Variants in EPB41L1 observed in about 807,000 individuals in gnomAD.
EPB41L1 encodes band 4.1-like protein 1.
In EPB41L1, 29 loss-of-function variants were observed where a neutral mutation model predicts 97.8. That is an observed-to-expected ratio of 0.30 (90% CI 0.22 to 0.40). The LOEUF is 0.40. EPB41L1 is among the 10% of genes least tolerant of loss of function. EPB41L1 has a pLI of 1.00. For synonymous variants in EPB41L1, 383 were observed against 459.2 expected, an observed-to-expected ratio of 0.83 and a Z score of 2.12; for missense variants, 812 against 1,162.3, an observed-to-expected ratio of 0.70 and a Z score of 4.38.
intron 2 of EPB41L1, among the ~76,000 whole-genome samples, chr20:36,141,093 C>T (rs1295098046): frequency 6.6e-6 from 1 of 152,124 alleles, no homozygotes; most frequent in African/African-American, 2.4e-5. Context: ...GAATATGGCC[C>T]CTTTCATAGA....
intron 14 of EPB41L1, among the ~76,000 whole-genome samples, chr20:36,203,462 C>T (rs1266348648): frequency 6.6e-6 from 1 of 152,256 alleles, no homozygotes; most frequent in African/African-American, 2.4e-5. Context: ...ACTTTTCATT[C>T]TCTGCCAGCA....
chr20:36,229,295 C>A, intron 21 of EPB41L1, 37 bp from the exon 22 acceptor site: 1 of 1,552,308 alleles, frequency 6.4e-7, no homozygotes, highest in Non-Finnish European at 8.9e-7. Flanking sequence ...CCCCCCACTC[C>A]CCACCCCCCA....
Position 36,195,487 on chromosome 20 carries a change from C to A in EPB41L1, c.1485+123C>A. The stretch of plus-strand genomic sequence containing the variant: ...CATCTCAGCTTCAACTTCATCTCTG[C>A]TCCCCAGCCATCCCCCTCTGCAGCC... On this transcript the variant is annotated intron_variant, in intron 13 of 21. Transcript: ENST00000338074. The surrounding 1 kb of genome is among the most constrained non-coding windows in gnomAD (Gnocchi z 4.6). The A allele has an allele frequency of 8.6e-7, 1 of 1,162,764 alleles. No homozygotes were observed. The highest frequency in any genetic ancestry group is 1.3e-6 in the Non-Finnish European group (1 of 788,374). 72.0% of individuals were successfully genotyped at this position (1,162,764 alleles called of 1,614,324 possible).
intron 2 of EPB41L1, among the ~76,000 whole-genome samples, chr20:36,130,896 G>C (rs2059177048): frequency 6.6e-6 from 1 of 151,096 alleles, no homozygotes; most frequent in African/African-American, 2.4e-5. Context: ...TGTAACCTCT[G>C]CCTCTGGGTT....
At chr20:36,185,055 T>C (rs2061626747) in intron 6 of EPB41L1, 62 bp from the exon 7 acceptor site, 1 of 1,533,134 alleles carries the variant, frequency 6.5e-7, no homozygotes, top group Non-Finnish European at 9.0e-7. Context: ...TGGACAGCTG[T>C]GCTTGGGGGA....
At chr20:36,197,169 A>G (rs1248743441) in intron 13 of EPB41L1, among the ~76,000 whole-genome samples, 1 of 152,056 alleles carries the variant, frequency 6.6e-6, no homozygotes, top group Non-Finnish European at 1.5e-5. Context: ...GTCCCATCAC[A>G]GAGGAGACTA....
At position 36,175,622 on chromosome 20, in the gene EPB41L1, C is replaced by A; in HGVS notation, c.249C>A (p.Ala83=). The A allele has an allele frequency of 6.2e-7, 1 of 1,614,160 alleles. No individual in the cohort carries two copies. The highest frequency in any genetic ancestry group is 1.1e-5 in the South Asian group (1 of 91,082). The change falls in exon 3 of 22, where the codon GCC becomes GCA. Residue 83 remains alanine, a synonymous_variant. Coordinates refer to ENST00000338074, the MANE Select transcript of EPB41L1 (RefSeq NM_012156.2). ...CGGAGAGGACCACGCCCAGCAAGGC[C>A]CAGAAATCGCCCCAGAAGATTGCCA... ...GLSERTTPSK[A]QKSPQKIAKK...
chr20:36,183,289 C>T (rs573387722), intron 6 of EPB41L1, among the ~76,000 whole-genome samples: 19 of 152,314 alleles, frequency 1.2e-4, no homozygotes, highest in African/African-American at 4.3e-4. Flanking sequence ...TGGGTCCCTC[C>T]TTCATCTTCA....
chr20:36,108,947 CTTT>C (rs112178873), intron 1 of EPB41L1, among the ~76,000 whole-genome samples: 1 of 142,764 alleles, frequency 7.0e-6, no homozygotes, highest in Non-Finnish European at 1.5e-5. Context: ...TTCAGGGCTT[CTTT>C]TTTTTTTTTT....
In EPB41L1 at chr20:36,209,923, C is replaced by A; in HGVS notation, c.2079+25C>A. 6.2e-7 allele frequency: 1 copy of A among 1,611,372 alleles called. No individual in the cohort carries two copies. Among genetic ancestry groups the A allele is most frequent in the Non-Finnish European group, 8.5e-7 (1 of 1,179,382 alleles). On this transcript the variant is annotated intron_variant, in intron 15 of 21. Coordinates refer to ENST00000338074, the MANE Select transcript of EPB41L1 (RefSeq NM_012156.2). The surrounding 1 kb of genome is among the most constrained non-coding windows in gnomAD (Gnocchi z 4.2). ...GGTACAGTGGAGCTTCCTCAAGAGC[C>A]AGGCCCGCTGGGCACCGCATGCTCA...
At chr20:36,100,468 G>A (rs959411884) in intron 1 of EPB41L1, among the ~76,000 whole-genome samples, 5 of 152,196 alleles carry the variant, frequency 3.3e-5, no homozygotes, top group Admixed American at 6.5e-5. Context: ...TCACTCTGGT[G>A]ACTTATAATC....
intron 2 of EPB41L1, among the ~76,000 whole-genome samples, chr20:36,140,771 C>T (rs2059607084): frequency 6.6e-6 from 1 of 152,166 alleles, no homozygotes; most frequent in African/African-American, 2.4e-5. Context: ...ATTTCATCTC[C>T]TCTCTTCCCC....
Position 36,188,641 on chromosome 20 carries a change from CAGAGAG to C in EPB41L1, c.1026+165_1026+170del, listed in dbSNP as rs112151910. 1.6e-3 allele frequency: 444 copies of C among 273,480 alleles called. 16 individuals carry two copies. The highest frequency in any genetic ancestry group is 8.2e-3 in the African/African-American group (177 of 21,612). 16.9% of individuals were successfully genotyped at this position (273,480 alleles called of 1,614,324 possible). A position where few individuals can be genotyped will look rare whatever the true frequency, so the allele number is the denominator to read the frequency against. On this transcript the variant is annotated intron_variant, in intron 9 of 21. Coordinates refer to ENST00000338074, the MANE Select transcript of EPB41L1 (RefSeq NM_012156.2). ...ACACACACACACACACACACACACACAGAGAGAGAGAGAGAGAGAGAGAGAGAGGAG... is the reference window on the plus strand; with the variant it reads ...ACACACACACACACACACACACACACAGAGAGAGAGAGAGAGAGAGAGGAG...
intron 17 of EPB41L1, among the ~76,000 whole-genome samples, chr20:36,215,576 C>T (rs1238471576): frequency 1.3e-5 from 2 of 152,216 alleles, no homozygotes; most frequent in African/African-American, 4.8e-5. Context: ...TACCAGCTTG[C>T]ACACCTTTCC....
intron 2 of EPB41L1, among the ~76,000 whole-genome samples, chr20:36,139,522 G>GATT (rs1438567246): frequency 6.6e-6 from 1 of 152,176 alleles, no homozygotes; most frequent in African/African-American, 2.4e-5. Context: ...GTTTAGCAAT[G>GATT]ATTAATACAT....
chr20:36,175,011 C>T (rs991167095), intron 2 of EPB41L1, among the ~76,000 whole-genome samples: 2 of 152,198 alleles, frequency 1.3e-5, no homozygotes, highest in African/African-American at 2.4e-5. Context: ...ATCTAATTAA[C>T]ACCTTCCTTA....
At chr20:36,147,705 A>G (rs900608420) in intron 2 of EPB41L1, among the ~76,000 whole-genome samples, 2 of 152,194 alleles carry the variant, frequency 1.3e-5, no homozygotes, top group Non-Finnish European at 2.9e-5. Context: ...GTGATGCTGC[A>G]GCACCTTCTG....
At chr20:36,198,149 T>A in intron 14 of EPB41L1, 108 bp downstream of exon 14, 1 of 1,020,634 alleles carries the variant, frequency 9.8e-7, no homozygotes, top group Non-Finnish European at 1.5e-6. Flanking sequence ...CCCCCATTGC[T>A]GCTTAGGGGC....
At chr20:36,098,545 G>T (rs569194520) in intron 1 of EPB41L1, among the ~76,000 whole-genome samples, 3 of 152,138 alleles carry the variant, frequency 2.0e-5, no homozygotes, top group African/African-American at 7.2e-5. Flanking sequence ...CTGTCGTCAC[G>T]TGGCTTTCTC....
Sources: allele counts gnomAD v4.1 joint callset (sites outside exome capture counted in the v4.1 genomes callset), GRCh38; gene constraint gnomAD v4.1.1; non-coding constraint Gnocchi (gnomAD v3.1); transcripts MANE v1.5; gene names NCBI Gene and HGNC (gene_info 2026-07-23, HGNC 2026-07-21).